Variants in DIAPH2 observed in about 807,000 individuals in gnomAD.
DIAPH2 encodes the protein diaphanous related formin 2, also known as protein diaphanous homolog 2.
Under a neutral mutation model 92.7 loss-of-function variants are expected in DIAPH2, and 35 were observed. That is an observed-to-expected ratio of 0.38 (90% CI 0.29 to 0.50). The LOEUF (loss-of-function observed/expected upper bound fraction) is 0.50, where lower values mean the gene tolerates loss of function less well. DIAPH2 is among the 20% of genes least tolerant of loss of function. The pLI is 0.94. For missense variants in DIAPH2, 701 were observed against 819.5 expected (o/e 0.86, Z 1.77); for synonymous variants, 301 against 280.4 (o/e 1.07, Z -0.73).
intron 26 of DIAPH2, among the ~76,000 whole-genome samples, chrX:97,506,980 G>C (rs1022622911): frequency 2.7e-5 from 3 of 110,664 alleles, no homozygotes; most frequent in Non-Finnish European, 5.7e-5. Flanking sequence ...GAGCTAAAAT[G>C]TTGTTTATAT....
intron 22 of DIAPH2, among the ~76,000 whole-genome samples, chrX:97,144,076 G>C (rs1384227650): frequency 9.0e-6 from 1 of 111,676 alleles, no homozygotes; most frequent in Non-Finnish European, 1.9e-5. Flanking sequence ...CTGGCCTGGT[G>C]CAATGGCTCA....
At chrX:96,995,696 C>T (rs1056098444) in intron 17 of DIAPH2, among the ~76,000 whole-genome samples, 1 of 110,783 alleles carries the variant, frequency 9.0e-6, no homozygotes, top group Non-Finnish European at 1.9e-5. Flanking sequence ...TATTTGAATA[C>T]ACTCTAATAT....
chrX:97,370,458 G>C (rs973266230), intron 24 of DIAPH2, among the ~76,000 whole-genome samples: 1 of 112,213 alleles, frequency 8.9e-6, no homozygotes, highest in African/African-American at 3.2e-5. Context: ...TTGATTTTTA[G>C]TGGAACAGTA....
In DIAPH2 at chrX:96,788,416, G is replaced by C. The variant is rs1262804565; in HGVS notation, c.447+30158G>C. ...TCTATGCCAGACAAATCTTACATAGGGTTTGATACTTAGTTGTTAGCCAGT... is the reference window on the plus strand; with the variant it reads ...TCTATGCCAGACAAATCTTACATAGCGTTTGATACTTAGTTGTTAGCCAGT... On this transcript the variant is annotated intron_variant, in intron 4 of 26. Coordinates refer to ENST00000324765, the MANE Select transcript of DIAPH2 (RefSeq NM_006729.5). 1.8e-5 allele frequency among the ~76,000 whole-genome samples: 2 copies of C among 111,617 alleles called. 1 individual carries two copies. The highest frequency in any genetic ancestry group is 7.6e-4 in the South Asian group (2 of 2,615).
At chrX:97,561,736 T>C (rs2147869392) in intron 26 of DIAPH2, among the ~76,000 whole-genome samples, 1 of 112,558 alleles carries the variant, frequency 8.9e-6, no homozygotes, top group East Asian at 2.8e-4. Context: ...AGACTTCCCA[T>C]TGGACCTTGC....
At chrX:97,559,488 CAAA>C (rs1235826953) in intron 26 of DIAPH2, among the ~76,000 whole-genome samples, 2 of 43,023 alleles carry the variant, frequency 4.6e-5, no homozygotes. Context: ...GACTCCGTCT[CAAA>C]AAAAAAAAAA....
chrX:97,054,674 G>A (rs1417194280), intron 17 of DIAPH2, among the ~76,000 whole-genome samples: 1 of 111,813 alleles, frequency 8.9e-6, no homozygotes, highest in Admixed American at 9.5e-5. Context: ...TCTGGTTTGG[G>A]TAGAGCATTG....
intron 24 of DIAPH2, among the ~76,000 whole-genome samples, chrX:97,350,242 G>A (rs185597062): frequency 0.011 from 1,244 of 110,455 alleles, 17 homozygotes; most frequent in African/African-American, 0.039. Context: ...TCTGGGAGGC[G>A]AAGGTTGCAG....
intron 23 of DIAPH2, among the ~76,000 whole-genome samples, chrX:97,289,683 G>C (rs930030522): frequency 9.0e-5 from 10 of 110,767 alleles, no homozygotes; most frequent in African/African-American, 3.0e-4. Context: ...CTGTGCTTAA[G>C]GTGAGGTTGA....
chrX:97,292,544 C>A (rs900351485), intron 23 of DIAPH2, among the ~76,000 whole-genome samples: 1 of 107,696 alleles, frequency 9.3e-6, no homozygotes, highest in South Asian at 4.0e-4. Flanking sequence ...CAATTTAATA[C>A]CCAATTTTTT....
intron 3 of DIAPH2, among the ~76,000 whole-genome samples, chrX:96,746,426 T>C (rs2064150518): frequency 8.9e-6 from 1 of 112,283 alleles, no homozygotes; most frequent in African/African-American, 3.2e-5. Context: ...CTCTTTAAGA[T>C]TCTTGTCTCC....
chrX:97,122,999 C>T (rs900128582), intron 21 of DIAPH2, among the ~76,000 whole-genome samples: 1 of 111,713 alleles, frequency 9.0e-6, no homozygotes, highest in Non-Finnish European at 1.9e-5. Flanking sequence ...TAATTCATTA[C>T]CAGTGGATAC....
At chrX:96,999,950 C>G (rs1230441179) in intron 17 of DIAPH2, among the ~76,000 whole-genome samples, 2 of 111,705 alleles carry the variant, frequency 1.8e-5, no homozygotes, top group Non-Finnish European at 3.8e-5. Flanking sequence ...GTAAGACATG[C>G]CTTTGCTCCT....
chrX:97,075,804 T>C (rs2066700971), intron 19 of DIAPH2, among the ~76,000 whole-genome samples: 1 of 112,028 alleles, frequency 8.9e-6, no homozygotes, highest in South Asian at 3.7e-4. Flanking sequence ...AGATAAGCAC[T>C]ATTATTCTCA....
intron 8 of DIAPH2, among the ~76,000 whole-genome samples, chrX:96,917,377 T>G (rs1310529327): frequency 9.0e-6 from 1 of 111,311 alleles, no homozygotes; most frequent in Admixed American, 9.6e-5. Context: ...TGTTGCTTAG[T>G]GTTAGCTACT....
intron 26 of DIAPH2, among the ~76,000 whole-genome samples, chrX:97,430,520 A>G (rs755698001): frequency 3.2e-4 from 36 of 112,673 alleles, no homozygotes; most frequent in African/African-American, 1.1e-3. Context: ...GAAATTAGGT[A>G]TGTTGATTTT....
intron 4 of DIAPH2, among the ~76,000 whole-genome samples, chrX:96,856,438 GTT>G (rs58720970): frequency 4.3e-5 from 4 of 92,875 alleles, no homozygotes; most frequent in Non-Finnish European, 4.3e-5. Flanking sequence ...AGAATTCAAG[GTT>G]TTTTTTTTTT....
At chrX:96,912,068 T>G (rs1397269672) in intron 5 of DIAPH2, among the ~76,000 whole-genome samples, 1 of 111,257 alleles carries the variant, frequency 9.0e-6, no homozygotes. Context: ...AATTCATGCT[T>G]AAGTATGTCA....
At chrX:97,019,405 G>T (rs1424275170) in intron 17 of DIAPH2, among the ~76,000 whole-genome samples, 1 of 109,792 alleles carries the variant, frequency 9.1e-6, no homozygotes, top group Non-Finnish European at 1.9e-5. Flanking sequence ...TTGATTTGAG[G>T]GTGACTTTTT....
Sources: allele counts gnomAD v4.1 joint callset (sites outside exome capture counted in the v4.1 genomes callset), GRCh38; gene constraint gnomAD v4.1.1; transcripts MANE v1.5; gene names NCBI Gene and HGNC (gene_info 2026-07-23, HGNC 2026-07-21).